TNRC6A: variants seen among roughly 807,000 people sequenced by gnomAD.
The protein encoded by TNRC6A is trinucleotide repeat-containing gene 6A protein.
In TNRC6A, 44 loss-of-function variants were observed where a neutral mutation model predicts 221.2. The ratio of observed to expected loss-of-function variants is 0.20; its 90% CI spans 0.16 to 0.26. The LOEUF (loss-of-function observed/expected upper bound fraction) is 0.26, where lower values mean the gene tolerates loss of function less well. Ranked by LOEUF, TNRC6A falls within the 10% of genes least tolerant of loss-of-function variation. The probability of loss-of-function intolerance (pLI) is 1.00; values close to 1 mark genes in which losing one functional copy is unlikely to be tolerated. For missense variants in TNRC6A, 2,199 were observed against 2,404.4 expected (o/e 0.91, Z 1.79); for synonymous variants, 847 against 838.5 (o/e 1.01, Z -0.18).
chr16:24,648,667 G>T (rs1417955843), intron 2 of TNRC6A, among the ~76,000 whole-genome samples: 1 of 152,252 alleles, frequency 6.6e-6, no homozygotes. Flanking sequence ...GTGCCGTTTT[G>T]TTTTGTTGGT....
intron 1 of TNRC6A, among the ~76,000 whole-genome samples, chr16:24,627,680 C>T: frequency 6.9e-6 from 1 of 144,916 alleles, no homozygotes; most frequent in South Asian, 2.2e-4. Flanking sequence ...AGGTCTCTTT[C>T]ATGTTTTCTT....
intron 2 of TNRC6A, among the ~76,000 whole-genome samples, chr16:24,650,643 C>T (rs1464784260): frequency 3.4e-5 from 5 of 147,092 alleles, no homozygotes; most frequent in Admixed American, 7.0e-5. Context: ...TGAGCCTGGG[C>T]GATAGAGTGA....
At chr16:24,655,670 CA>C (rs2054896716) in intron 2 of TNRC6A, among the ~76,000 whole-genome samples, 7 of 151,144 alleles carry the variant, frequency 4.6e-5, no homozygotes, top group Admixed American at 4.6e-4. Flanking sequence ...GCCTGGGCGA[CA>C]AGAGTGAAAT....
chr16:24,616,600 A>G (rs1156752909), intron 1 of TNRC6A, among the ~76,000 whole-genome samples: 3 of 152,094 alleles, frequency 2.0e-5, no homozygotes, highest in South Asian at 2.1e-4. Flanking sequence ...GACCCAGCAT[A>G]TGGTCAGTGT....
Position 24,758,222 on chromosome 16 carries a change from T to C in TNRC6A, c.142-117T>C, listed in dbSNP as rs1038389865. On this transcript the variant is annotated intron_variant, in intron 3 of 24. Transcript: ENST00000395799. Reference sequence around the variant, plus strand: ...TGTGCAGTTCATCTATTTGAGAAATTCCTTGTTTAATAAAGGTGTATATGT... The same window carrying C: ...TGTGCAGTTCATCTATTTGAGAAATCCCTTGTTTAATAAAGGTGTATATGT... 3 of 1,019,408 alleles carry C rather than the reference T, an allele frequency of 2.9e-6. No homozygotes were observed. The African/African-American group carries it at 4.9e-5, about 17-fold the overall frequency. 63.1% of individuals were successfully genotyped at this position (1,019,408 alleles called of 1,614,324 possible).
chr16:24,815,413 G>C (rs565678518), intron 19 of TNRC6A, 108 bp downstream of exon 19: 2 of 1,269,392 alleles, frequency 1.6e-6, no homozygotes, highest in African/African-American at 3.0e-5. Flanking sequence ...TTAGACTGAC[G>C]TGTGCGGATG....
intron 2 of TNRC6A, among the ~76,000 whole-genome samples, chr16:24,642,542 G>C (rs942369212): frequency 2.0e-5 from 3 of 152,208 alleles, no homozygotes; most frequent in African/African-American, 7.2e-5. Flanking sequence ...ATCAGGCCGA[G>C]CGCAGTGGCT....
intron 5 of TNRC6A, among the ~76,000 whole-genome samples, chr16:24,781,176 G>C (rs1027288262): frequency 6.0e-5 from 9 of 149,548 alleles, no homozygotes; most frequent in Admixed American, 6.8e-5. Context: ...ACCTCAGTGA[G>C]TCTCCCTGAG....
chr16:24,746,742 C>A (rs1381529386), intron 2 of TNRC6A, among the ~76,000 whole-genome samples: 1 of 152,146 alleles, frequency 6.6e-6, no homozygotes, highest in Non-Finnish European at 1.5e-5. Context: ...ATAGCAAGTA[C>A]AAGAGTACCC....
Position 24,791,337 on chromosome 16 carries a change from G to A in TNRC6A, c.2695G>A (p.Gly899Arg). Residue 899 changes from glycine (G) to arginine (R), a missense_variant, in exon 6 of 25, where the codon GGA (glycine) becomes AGA (arginine). Gly to Arg is a moderately radical substitution (Grantham distance 125). Coordinates refer to ENST00000395799, the MANE Select transcript of TNRC6A (RefSeq NM_014494.4). The stretch of plus-strand genomic sequence containing the variant: ...TGGTAAAACTAGTTCTTTCACTTGG[G>A]GAAACAACATAAATCCAAATAATTC... ...ELGKTSSFTWGNNINPNNSSG... is the reference protein window; with the variant it reads ...ELGKTSSFTWRNNINPNNSSG... The A allele has an allele frequency of 6.2e-7, 1 of 1,603,510 alleles. No individual in the cohort carries two copies. The highest frequency in any genetic ancestry group is 8.5e-7 in the Non-Finnish European group (1 of 1,174,570).
chr16:24,632,362 T>C (rs1901391428), intron 1 of TNRC6A, among the ~76,000 whole-genome samples: 1 of 152,060 alleles, frequency 6.6e-6, no homozygotes, highest in African/African-American at 2.4e-5. Flanking sequence ...CTGAAGAAAT[T>C]CCACCACCGT....
chr16:24,714,051 G>A (rs777208277), intron 2 of TNRC6A, among the ~76,000 whole-genome samples: 6 of 152,128 alleles, frequency 3.9e-5, no homozygotes, highest in Non-Finnish European at 8.8e-5. Flanking sequence ...GACATTGTTG[G>A]ATCTGTGGTT....
chr16:24,804,864 G>A lies in TNRC6A; in HGVS notation c.3984+13G>A, dbSNP rs778046741. ...TTCTGTTAGACAGGTAAGTCCAGAT[G>A]TGTATTTTAGGCTCTCAGTTGAATG... On this transcript the variant is annotated intron_variant, in intron 13 of 24. Transcript: ENST00000395799. 5 of 1,613,458 alleles carry A rather than the reference G, an allele frequency of 3.1e-6. No individual in the cohort carries two copies. In the South Asian group the frequency reaches 3.3e-5, roughly 11 times the overall value.
chr16:24,660,003 CAT>C (rs2054995296), intron 2 of TNRC6A, among the ~76,000 whole-genome samples: 1 of 151,920 alleles, frequency 6.6e-6, no homozygotes, highest in Non-Finnish European at 1.5e-5. Context: ...GAGCTATAGT[CAT>C]ATGTTAGTCT....
intron 2 of TNRC6A, among the ~76,000 whole-genome samples, chr16:24,702,904 G>A (rs914038927): frequency 4.6e-5 from 7 of 151,900 alleles, no homozygotes; most frequent in East Asian, 3.9e-4. Flanking sequence ...GCGTGGTGGC[G>A]GGCACCTGTA....
Position 24,823,358 on chromosome 16 carries a change from C to T in TNRC6A, c.5514-74C>T, listed in dbSNP as rs1057501751. The T allele has an allele frequency of 6.6e-6, 10 of 1,510,512 alleles. No individual in the cohort carries two copies. Among genetic ancestry groups the T allele is most frequent in the South Asian group, 1.3e-5 (1 of 77,256 alleles). 93.6% of individuals were successfully genotyped at this position (1,510,512 alleles called of 1,614,324 possible). A position where few individuals can be genotyped will look rare whatever the true frequency, so the allele number is the denominator to read the frequency against. ...TGGCTTTTCTAGCAGAGACAAGTTG[C>T]ACCCTCACTTGTGAGTGAATGAAGC... On this transcript the variant is annotated intron_variant, in intron 24 of 24. Coordinates refer to ENST00000395799, the MANE Select transcript of TNRC6A (RefSeq NM_014494.4). The surrounding 1 kb of genome is among the most constrained non-coding windows in gnomAD (Gnocchi z 4.3).
chr16:24,804,618 G>A, intron 12 of TNRC6A, 87 bp from the exon 13 acceptor site: 1 of 1,504,940 alleles, frequency 6.6e-7, no homozygotes, highest in Non-Finnish European at 8.9e-7. Flanking sequence ...GGAATGTCAT[G>A]TGACTTCTCT....
rs1233043377 is a variant in TNRC6A, at chr16:24,729,691, C to T, written c.-151C>T. On this transcript the variant is annotated 5_prime_UTR_variant, in exon 1 of 25. Transcript: ENST00000395799. ...CCTGCGGCGGCGGCGGTGTCGGCGG[C>T]GGCGGCGGCGGCGGCGGCGGCGGCG... 3.2e-4 allele frequency: 264 copies of T among 812,610 alleles called. 2 individuals are homozygous for T. Among genetic ancestry groups the T allele is most frequent in the South Asian group, 6.7e-4 (17 of 25,392 alleles). 50.3% of individuals were successfully genotyped at this position (812,610 alleles called of 1,614,324 possible). A position where few individuals can be genotyped will look rare whatever the true frequency, so the allele number is the denominator to read the frequency against.
intron 2 of TNRC6A, among the ~76,000 whole-genome samples, chr16:24,741,150 G>T (rs376835783): frequency 2.6e-5 from 4 of 152,210 alleles, no homozygotes; most frequent in Admixed American, 2.6e-4. Context: ...ACTCACACAC[G>T]CACTCTCTTT....
Sources: gnomAD v4.1 joint callset for allele counts (sites outside exome capture counted in the v4.1 genomes callset) on GRCh38, gnomAD v4.1.1 for gene constraint, Gnocchi (gnomAD v3.1) non-coding constraint, MANE v1.5 for transcripts, NCBI Gene and HGNC (gene_info 2026-07-23, HGNC 2026-07-21) for gene names.